The following DGLUCY variants were observed in gnomAD, a reference collection of about 807,000 sequenced individuals.
The protein encoded by DGLUCY is D-glutamate cyclase, mitochondrial.
DGLUCY carries 58 observed loss-of-function variants against 58.5 expected under a neutral mutation model. The observed-to-expected ratio is 0.99, with a 90% CI of 0.80 to 1.23. The LOEUF (loss-of-function observed/expected upper bound fraction) is 1.23. DGLUCY is among the 50% of genes most tolerant of loss of function. The pLI, the probability that DGLUCY is intolerant of heterozygous loss-of-function variation, is 0.00. For missense variants in DGLUCY, 779 were observed against 784.7 expected (o/e 0.99, Z 0.09); for synonymous variants, 325 against 314.1 (o/e 1.03, Z -0.37).
At chr14:91,099,917 G>C (rs561418188) in intron 1 of DGLUCY, among the ~76,000 whole-genome samples, 1 of 152,104 alleles carries the variant, frequency 6.6e-6, no homozygotes, top group Non-Finnish European at 1.5e-5. Flanking sequence ...AGCCGGGCAT[G>C]GTGGCACATG....
upstream of DGLUCY, chr14:91,107,841 A>T (rs1035257738): frequency 6.6e-6 from 1 of 152,604 alleles, no homozygotes; most frequent in East Asian, 1.9e-4. Context: ...GACACGAGAC[A>T]GGGAGCTACT....
At chr14:91,062,558 A>AAT (rs1157690131) in intron 1 of DGLUCY, among the ~76,000 whole-genome samples, 7 of 23,694 alleles carry the variant, frequency 3.0e-4, no homozygotes, top group African/African-American at 1.4e-3. Context: ...AAAAAAAAAA[A>AAT]ATATATATAT....
At chr14:91,103,447 G>C (rs1270009845), upstream of DGLUCY, among the ~76,000 whole-genome samples, 1 of 152,074 alleles carries the variant, frequency 6.6e-6, no homozygotes, top group Non-Finnish European at 1.5e-5. Context: ...CCCTGTCGCA[G>C]GCTTGGCTGG....
chr14:91,068,091 A>G (rs867593119), intron 1 of DGLUCY, among the ~76,000 whole-genome samples: 3,285 of 151,464 alleles, frequency 0.022, 103 homozygotes, highest in African/African-American at 0.07. Flanking sequence ...ACACACACAC[A>G]CACACACACA....
intron 6 of DGLUCY, among the ~76,000 whole-genome samples, chr14:91,174,966 G>C (rs1269673435): frequency 6.6e-6 from 1 of 152,124 alleles, no homozygotes; most frequent in East Asian, 1.9e-4. Flanking sequence ...TGAGAGCAGA[G>C]GAAACACACC....
chr14:91,125,966 A>T (rs1441939357), intron 1 of DGLUCY, among the ~76,000 whole-genome samples: 2 of 152,132 alleles, frequency 1.3e-5, no homozygotes, highest in Non-Finnish European at 2.9e-5. Context: ...AATTCAAAGG[A>T]TAACTCTGGT....
intron 13 of DGLUCY, among the ~76,000 whole-genome samples, chr14:91,221,415 G>A (rs991397878): frequency 2.6e-5 from 4 of 152,110 alleles, no homozygotes. Context: ...AGGGATGGAT[G>A]GATAATAGAT....
At chr14:91,160,535 A>G in intron 3 of DGLUCY, 138 bp downstream of exon 3, 1 of 651,940 alleles carries the variant, frequency 1.5e-6, no homozygotes, top group Non-Finnish European at 2.6e-6. Flanking sequence ...GCAGAATGAT[A>G]TTAGCTCTGG....
chr14:91,096,451 A>G (rs1047938943), intron 1 of DGLUCY, among the ~76,000 whole-genome samples: 5 of 152,030 alleles, frequency 3.3e-5, no homozygotes, highest in Admixed American at 6.6e-5. Flanking sequence ...AAGAACCAGC[A>G]GGGAGATGCA....
intron 1 of DGLUCY, among the ~76,000 whole-genome samples, chr14:91,116,883 G>T (rs899244282): frequency 2.0e-5 from 3 of 151,450 alleles, no homozygotes; most frequent in Non-Finnish European, 2.9e-5. Flanking sequence ...GGCAGAGGTT[G>T]CAGTGAGCCG....
At chr14:91,061,168 C>A (rs1377130723) in intron 1 of DGLUCY, among the ~76,000 whole-genome samples, 1 of 152,126 alleles carries the variant, frequency 6.6e-6, no homozygotes, top group Non-Finnish European at 1.5e-5. Context: ...CTAAGGGTCC[C>A]GGCAGCGATC....
At chr14:91,102,138 A>G (rs2044498387) in intron 1 of DGLUCY, among the ~76,000 whole-genome samples, 1 of 152,226 alleles carries the variant, frequency 6.6e-6, no homozygotes, top group Non-Finnish European at 1.5e-5. Flanking sequence ...CCTCGAAAAT[A>G]TGTATATCTA....
intron 11 of DGLUCY, among the ~76,000 whole-genome samples, chr14:91,201,266 A>G (rs539644403): frequency 6.6e-6 from 1 of 150,844 alleles, no homozygotes; most frequent in Non-Finnish European, 1.5e-5. Flanking sequence ...CACAGGGGAT[A>G]TGATGGCTTA....
chr14:91,126,320 C>G (rs1338805731), intron 1 of DGLUCY: 1 of 153,220 alleles, frequency 6.5e-6, no homozygotes, highest in Non-Finnish European at 1.5e-5. Flanking sequence ...CTTGGAGTTC[C>G]TTGGACTGTA....
At chr14:91,092,178 T>C (rs2044322479) in intron 1 of DGLUCY, among the ~76,000 whole-genome samples, 1 of 152,240 alleles carries the variant, frequency 6.6e-6, no homozygotes, top group African/African-American at 2.4e-5. Context: ...TAGTACTAAT[T>C]TAACGCTTGA....
intron 1 of DGLUCY, among the ~76,000 whole-genome samples, chr14:91,067,322 G>T (rs541973627): frequency 2.0e-5 from 3 of 152,170 alleles, no homozygotes; most frequent in Non-Finnish European, 2.9e-5. Flanking sequence ...AGTAAGCAAG[G>T]GGGGAGAGGG....
intron 4 of DGLUCY, 81 bp from the exon 5 acceptor site, chr14:91,169,922 C>A: frequency 1.4e-6 from 2 of 1,426,926 alleles, no homozygotes; most frequent in Non-Finnish European, 1.9e-6. Context: ...CCTCTTCTCT[C>A]TCCGCAGTCC....
At position 91,165,482 on chromosome 14, in the gene DGLUCY, T is replaced by C. The variant is rs2048225903; in HGVS notation, c.104-1743T>C. The C allele has an allele frequency of 6.0e-6, 2 of 333,650 alleles. 1 individual carries two copies. Among genetic ancestry groups the C allele is most frequent in the Admixed American group, 8.5e-5 (2 of 23,628 alleles). 20.7% of individuals were successfully genotyped at this position (333,650 alleles called of 1,614,324 possible). On this transcript the variant is annotated intron_variant, in intron 3 of 13. Transcript: ENST00000256324. Reference sequence around the variant, plus strand: ...ACCACCAAAGCCAAAGGACTTCCATTGCGGAGGAAGGCTGGCTGCCCCAGA... The same window carrying C: ...ACCACCAAAGCCAAAGGACTTCCATCGCGGAGGAAGGCTGGCTGCCCCAGA...
At chr14:91,133,186 T>C (rs1337334379) in intron 1 of DGLUCY, among the ~76,000 whole-genome samples, 2 of 151,922 alleles carry the variant, frequency 1.3e-5, no homozygotes, top group Non-Finnish European at 2.9e-5. Context: ...TCTCAGCTAC[T>C]TGGGGGGCTG....
Sources: gnomAD v4.1 joint callset for allele counts (sites outside exome capture counted in the v4.1 genomes callset) on GRCh38, gnomAD v4.1.1 for gene constraint, MANE v1.5 for transcripts, NCBI Gene and HGNC (gene_info 2026-07-23, HGNC 2026-07-21) for gene names.